ARHGEF26: variants seen among roughly 807,000 people sequenced by gnomAD.
ARHGEF26 encodes the protein Rho guanine nucleotide exchange factor 26.
A neutral mutation model predicts 89.4 loss-of-function variants in ARHGEF26; 59 were observed. The ratio of observed to expected loss-of-function variants is 0.66; its 90% CI spans 0.54 to 0.82. ARHGEF26 has a LOEUF of 0.82. ARHGEF26 is among the 40% of genes least tolerant of loss of function. The pLI is 0.00. For synonymous variants in ARHGEF26, 500 were observed against 428.4 expected, an observed-to-expected ratio of 1.17 and a Z score of -2.06; for missense variants, 1,234 against 1,085.6, an observed-to-expected ratio of 1.14 and a Z score of -1.92.
chr3:154,238,400 A>G (rs994805232), intron 11 of ARHGEF26, among the ~76,000 whole-genome samples: 2 of 152,220 alleles, frequency 1.3e-5, no homozygotes, highest in Non-Finnish European at 2.9e-5. Flanking sequence ...GCTTTTATAG[A>G]TAACTGCATT....
At chr3:154,234,848 G>C (rs371916546) in intron 11 of ARHGEF26, among the ~76,000 whole-genome samples, 206 of 152,082 alleles carry the variant, frequency 1.4e-3, no homozygotes, top group African/African-American at 3.1e-3. Flanking sequence ...TCACTGCAAG[G>C]TCCGCCTCTC....
At chr3:154,184,154 A>T (rs1446431279) in intron 6 of ARHGEF26, among the ~76,000 whole-genome samples, 2 of 151,910 alleles carry the variant, frequency 1.3e-5, no homozygotes. Flanking sequence ...TTGTATTTTA[A>T]GTAGAGATGA....
intron 10 of ARHGEF26, among the ~76,000 whole-genome samples, chr3:154,224,048 A>G (rs1457578224): frequency 5.9e-5 from 9 of 152,012 alleles, no homozygotes; most frequent in Non-Finnish European, 1.0e-4. Context: ...GTATTTCAGT[A>G]CTATTTAGGA....
intron 9 of ARHGEF26, among the ~76,000 whole-genome samples, chr3:154,208,389 G>A (rs1409763583): frequency 1.3e-5 from 2 of 152,070 alleles, no homozygotes; most frequent in African/African-American, 4.8e-5. Context: ...GTGACCTTTT[G>A]GTGTTTAATT....
At chr3:154,183,995 C>T (rs1261828045) in intron 6 of ARHGEF26, among the ~76,000 whole-genome samples, 3 of 98,968 alleles carry the variant, frequency 3.0e-5, no homozygotes, top group African/African-American at 6.8e-5. Flanking sequence ...TTTTTTGAGA[C>T]GGAGTCTCGC....
chr3:154,183,575 T>C (rs577771519), intron 6 of ARHGEF26, among the ~76,000 whole-genome samples: 68 of 152,230 alleles, frequency 4.5e-4, no homozygotes, highest in Non-Finnish European at 7.6e-4. Flanking sequence ...AGAAATACTT[T>C]CTTGATCTTT....
At chr3:154,149,531 C>G in intron 5 of ARHGEF26, 86 bp downstream of exon 5, 1 of 1,152,286 alleles carries the variant, frequency 8.7e-7, no homozygotes, top group Non-Finnish European at 1.2e-6. Flanking sequence ...ACTGTGTGCA[C>G]TTGTTTAGTG....
intron 6 of ARHGEF26, among the ~76,000 whole-genome samples, chr3:154,154,495 T>G (rs1720210031): frequency 6.6e-6 from 1 of 152,062 alleles, no homozygotes; most frequent in African/African-American, 2.4e-5. Context: ...ATGTATCAAT[T>G]ATACCTCAAT....
intron 6 of ARHGEF26, among the ~76,000 whole-genome samples, chr3:154,169,974 AG>A: frequency 6.6e-6 from 1 of 152,174 alleles, no homozygotes; most frequent in South Asian, 2.1e-4. Flanking sequence ...CAAAGCCAGA[AG>A]TAGTCAGCTT....
chr3:154,192,618 G>A (rs1428456510), intron 8 of ARHGEF26, among the ~76,000 whole-genome samples: 1 of 152,100 alleles, frequency 6.6e-6, no homozygotes. Flanking sequence ...TTTGAGATCA[G>A]TATTTATCAT....
At position 154,122,708 on chromosome 3, in the gene ARHGEF26, G is replaced by A; in HGVS notation, c.716G>A (p.Ser239Asn). The A allele has an allele frequency of 2.5e-6, 4 of 1,613,608 alleles. No individual in the cohort carries two copies. Among genetic ancestry groups the A allele is most frequent in the Non-Finnish European group, 3.4e-6 (4 of 1,179,742 alleles). Residue 239 changes from serine (S) to asparagine (N), a missense_variant, in exon 2 of 15, where the codon AGC becomes AAC. By Grantham distance (46) the Ser-to-Asn change is conservative (BLOSUM62 1). Coordinates refer to ENST00000465093, the MANE Select transcript of ARHGEF26 (RefSeq NM_015595.4). Reference protein sequence around the residue: ...ENPSVVLSTNSPAALKVGKQQ... With the variant: ...ENPSVVLSTNNPAALKVGKQQ... ...CCTTCCGTGGTTTTGAGTACAAACAGCCCCGCCGCCCTCAAAGTGGGGAAG... is the reference window on the plus strand; with the variant it reads ...CCTTCCGTGGTTTTGAGTACAAACAACCCCGCCGCCCTCAAAGTGGGGAAG...
At chr3:154,184,074 G>T (rs896779821) in intron 6 of ARHGEF26, among the ~76,000 whole-genome samples, 1 of 151,178 alleles carries the variant, frequency 6.6e-6, no homozygotes, top group Non-Finnish European at 1.5e-5. Context: ...CTGGGTTCAC[G>T]CCATTCTCCT....
At chr3:154,133,552 C>T (rs1276895703) in intron 4 of ARHGEF26, among the ~76,000 whole-genome samples, 1 of 151,542 alleles carries the variant, frequency 6.6e-6, no homozygotes, top group Non-Finnish European at 1.5e-5. Context: ...GCTCTTTTTT[C>T]TGTTCCATTG....
In ARHGEF26 at chr3:154,124,372, C is replaced by CTT. The variant is rs10688646; in HGVS notation, c.1084-21_1084-20dup. The stretch of plus-strand genomic sequence containing the variant: ...CTCATTCATACATAGTTTGCTTTTC[C>CTT]TTTTTTTTTTTTTTTTTTACTTTTT... On this transcript the variant is annotated intron_variant, in intron 2 of 14. Transcript: ENST00000465093. 7.2e-3 allele frequency: 7,229 copies of CTT among 1,005,100 alleles called. 47 individuals are homozygous for CTT. Among genetic ancestry groups the CTT allele is most frequent in the African/African-American group, 0.048 (2,312 of 48,582 alleles). The allele number at this position is 1,005,100 out of a possible 1,614,324, so 62.3% of individuals were successfully genotyped here. A position where few individuals can be genotyped will look rare whatever the true frequency, so the allele number is the denominator to read the frequency against.
intron 6 of ARHGEF26, among the ~76,000 whole-genome samples, chr3:154,159,395 A>G (rs975327884): frequency 2.0e-5 from 3 of 152,160 alleles, no homozygotes; most frequent in East Asian, 1.9e-4. Context: ...ATATCCATCA[A>G]TGTGCTTTTG....
Position 154,200,047 on chromosome 3 carries a change from G to T in ARHGEF26, c.1845+5329G>T, listed in dbSNP as rs562401731. ...TGTTGACTCTATACTTTGCTCTGCA[G>T]AAGCCTTTTAACTTGTTGTGATCCC... On this transcript the variant is annotated intron_variant, in intron 9 of 14. Transcript: ENST00000465093. Among the ~76,000 whole-genome samples the T allele has an allele frequency of 4.5e-4, 68 of 152,160 alleles. 2 individuals are homozygous for T. The highest frequency in any genetic ancestry group is 1.5e-3 in the African/African-American group (62 of 41,530).
chr3:154,202,957 G>C (rs1044750920), intron 9 of ARHGEF26, among the ~76,000 whole-genome samples: 1 of 152,106 alleles, frequency 6.6e-6, no homozygotes, highest in Non-Finnish European at 1.5e-5. Context: ...GGGACAATTT[G>C]ACTTCCTGTT....
chr3:154,191,611 G>A (rs796107646), intron 8 of ARHGEF26, among the ~76,000 whole-genome samples, 193 bp downstream of exon 8: 51 of 152,276 alleles, frequency 3.3e-4, no homozygotes, highest in African/African-American at 1.1e-3. Flanking sequence ...CTTTCATTTA[G>A]GCTTCTATGG....
chr3:154,238,747 G>A (rs779647378), intron 11 of ARHGEF26, among the ~76,000 whole-genome samples: 27 of 152,094 alleles, frequency 1.8e-4, no homozygotes, highest in Admixed American at 3.3e-4. Flanking sequence ...ATGTTCACTC[G>A]CAAGGGTGCA....
Sources: allele counts gnomAD v4.1 joint callset (sites outside exome capture counted in the v4.1 genomes callset), GRCh38; gene constraint gnomAD v4.1.1; transcripts MANE v1.5; gene names NCBI Gene and HGNC (gene_info 2026-07-23, HGNC 2026-07-21).